The following FBXL17 variants were observed in gnomAD, a reference collection of about 807,000 sequenced individuals.
FBXL17 encodes the protein F-box/LRR-repeat protein 17.
A neutral mutation model predicts 66.2 loss-of-function variants in FBXL17; 22 were observed. That is an observed-to-expected ratio of 0.33 (90% confidence interval 0.24 to 0.47). FBXL17 has a LOEUF of 0.47. FBXL17 is among the 20% of genes least tolerant of loss of function. The pLI is 1.00. For missense variants in FBXL17, 878 were observed against 948.2 expected, an observed-to-expected ratio of 0.93 and a Z score of 0.97; for synonymous variants, 474 against 400.5, an observed-to-expected ratio of 1.18 and a Z score of -2.19.
At chr5:108,147,852 C>T (rs561283780) in intron 6 of FBXL17, among the ~76,000 whole-genome samples, 1 of 151,878 alleles carries the variant, frequency 6.6e-6, no homozygotes, top group African/African-American at 2.4e-5. Context: ...TTTATAACAA[C>T]CTCTTAATAG....
chr5:108,363,056 A>G (rs544488230), intron 3 of FBXL17, among the ~76,000 whole-genome samples: 14 of 152,140 alleles, frequency 9.2e-5, no homozygotes, highest in African/African-American at 2.9e-4. Flanking sequence ...TCGTAACTCT[A>G]TTATACATTT....
chr5:107,932,859 C>T (rs1412819683), intron 7 of FBXL17, among the ~76,000 whole-genome samples: 1 of 134,780 alleles, frequency 7.4e-6, no homozygotes, highest in Admixed American at 7.5e-5. Context: ...ACCAACGAGC[C>T]AGCTAAGAAA....
At chr5:108,254,766 G>A (rs1313575506) in intron 4 of FBXL17, among the ~76,000 whole-genome samples, 1 of 152,052 alleles carries the variant, frequency 6.6e-6, no homozygotes, top group Admixed American at 6.6e-5. Context: ...TAAAACAAAG[G>A]ACAGCCCTAC....
intron 7 of FBXL17, among the ~76,000 whole-genome samples, chr5:107,998,679 C>A (rs1404111385): frequency 6.6e-6 from 1 of 151,980 alleles, no homozygotes. Context: ...AAGTCAAAAG[C>A]AAAAACCCGA....
At position 108,145,404 on chromosome 5, in the gene FBXL17, T is replaced by C. The variant is rs369272754; in HGVS notation, c.1745+40713A>G. Reference sequence around the variant, plus strand: ...CAGAACTGCTAGAATCAGACAGAACTCTAAAGTTCATAAAATCCAACACCA... The same window carrying C: ...CAGAACTGCTAGAATCAGACAGAACCCTAAAGTTCATAAAATCCAACACCA... On this transcript the variant is annotated intron_variant, in intron 6 of 8. Transcript: ENST00000542267. Among the ~76,000 whole-genome samples, 6 of 152,152 alleles carry C rather than the reference T, an allele frequency of 3.9e-5. No individual in the cohort carries two copies. The East Asian group carries it at 5.8e-4, about 15-fold the overall frequency.
intron 4 of FBXL17, among the ~76,000 whole-genome samples, chr5:108,266,249 C>T (rs1757040908): frequency 6.6e-6 from 1 of 152,154 alleles, no homozygotes; most frequent in South Asian, 2.1e-4. Flanking sequence ...GTTTCACATT[C>T]CACAGTTTCA....
chr5:108,186,879 T>A (rs907508785), intron 5 of FBXL17, among the ~76,000 whole-genome samples: 1 of 152,172 alleles, frequency 6.6e-6, no homozygotes, highest in Non-Finnish European at 1.5e-5. Context: ...TTACATTAAG[T>A]ACCTACAATT....
At chr5:108,361,899 G>GGAACTCGGACTGCTAT (rs1748362647) in intron 3 of FBXL17, among the ~76,000 whole-genome samples, 2 of 152,156 alleles carry the variant, frequency 1.3e-5, no homozygotes, top group Admixed American at 1.3e-4. Context: ...TCCCACACTG[G>GGAACTCGGACTGCTAT]GAACTCGGAC....
intron 4 of FBXL17, among the ~76,000 whole-genome samples, chr5:108,247,225 G>T (rs1756141914): frequency 6.6e-6 from 1 of 152,058 alleles, no homozygotes; most frequent in African/African-American, 2.4e-5. Flanking sequence ...TTATGTATTT[G>T]GATTCCCATT....
intron 1 of FBXL17, among the ~76,000 whole-genome samples, chr5:108,379,262 T>C (rs909872589): frequency 6.6e-6 from 1 of 152,170 alleles, no homozygotes; most frequent in African/African-American, 2.4e-5. Flanking sequence ...ATTTGCCAAA[T>C]AAGAAGACAG....
intron 6 of FBXL17, among the ~76,000 whole-genome samples, chr5:108,047,874 G>A (rs1747317687): frequency 6.6e-6 from 1 of 152,192 alleles, no homozygotes; most frequent in African/African-American, 2.4e-5. Flanking sequence ...TAATAGTTCT[G>A]AGGAATCCAA....
At chr5:108,312,155 A>C (rs904553866) in intron 4 of FBXL17, among the ~76,000 whole-genome samples, 1 of 152,152 alleles carries the variant, frequency 6.6e-6, no homozygotes, top group African/African-American at 2.4e-5. Flanking sequence ...ATCACAGCTT[A>C]TGTAAAAGGC....
At chr5:107,929,170 C>G (rs984417387) in intron 7 of FBXL17, among the ~76,000 whole-genome samples, 5 of 152,122 alleles carry the variant, frequency 3.3e-5, no homozygotes, top group African/African-American at 1.2e-4. Flanking sequence ...TAAACAGACA[C>G]AGTAGGGAAA....
In FBXL17 at chr5:107,871,057, C is replaced by CAAAAAAAAAAAA. The variant is rs201752049; in HGVS notation, c.1966-9209_1966-9198dup. On this transcript the variant is annotated intron_variant, in intron 8 of 8. Transcript: ENST00000542267. ...GGTAAGAAATATTACTCTTGGGCGG[C>CAAAAAAAAAAAA]AAAAAAAAAAAAAAAAAAAAAACCT... is the stretch of plus-strand genomic sequence containing the variant. 2.5e-3 allele frequency among the ~76,000 whole-genome samples: 166 copies of CAAAAAAAAAAAA among 65,850 alleles called. 12 individuals are homozygous for CAAAAAAAAAAAA. Among genetic ancestry groups the CAAAAAAAAAAAA allele is most frequent in the African/African-American group, 0.011 (141 of 13,288 alleles). 43.2% of individuals were successfully genotyped at this position (65,850 alleles called of 152,430 possible).
At chr5:107,924,628 T>C (rs1750439316) in intron 7 of FBXL17, among the ~76,000 whole-genome samples, 2 of 152,202 alleles carry the variant, frequency 1.3e-5, no homozygotes, top group South Asian at 4.1e-4. Flanking sequence ...ATATTCACTA[T>C]CAATGTACCC....
rs1751185486 is a variant in FBXL17 at position 108,137,533 on chromosome 5, C to T, written c.1745+48584G>A. On this transcript the variant is annotated intron_variant, in intron 6 of 8. Coordinates refer to ENST00000542267, the MANE Select transcript of FBXL17 (RefSeq NM_001163315.3). Reference sequence around the variant, plus strand: ...CATGCATGAGAATAAAGTGGCATGCCACTTTTGGAAAAGCTGCCATAGATG... The same window carrying T: ...CATGCATGAGAATAAAGTGGCATGCTACTTTTGGAAAAGCTGCCATAGATG... Among the ~76,000 whole-genome samples the T allele has an allele frequency of 2.6e-5, 4 of 152,024 alleles. No individual in the cohort carries two copies. In the South Asian group the frequency reaches 8.3e-4, roughly 32 times the overall value.
intron 7 of FBXL17, among the ~76,000 whole-genome samples, chr5:107,905,719 C>T (rs781592520): frequency 6.6e-6 from 1 of 152,108 alleles, no homozygotes; most frequent in Non-Finnish European, 1.5e-5. Flanking sequence ...TATAACTCAC[C>T]CACACTAAAA....
chr5:108,108,780 G>GTTTT (rs201883285), intron 6 of FBXL17, among the ~76,000 whole-genome samples: 7 of 122,124 alleles, frequency 5.7e-5, no homozygotes, highest in African/African-American at 9.0e-5. Context: ...CTCACACTTT[G>GTTTT]TTTTTGTTTT....
At chr5:108,095,261 A>T (rs1056544942) in intron 6 of FBXL17, among the ~76,000 whole-genome samples, 8 of 149,958 alleles carry the variant, frequency 5.3e-5, no homozygotes, top group Non-Finnish European at 1.2e-4. Context: ...AAAAAAAAAA[A>T]TTTTACCTAC....
Sources: allele counts gnomAD v4.1 joint callset (sites outside exome capture counted in the v4.1 genomes callset), GRCh38; gene constraint gnomAD v4.1.1; transcripts MANE v1.5; gene names NCBI Gene and HGNC (gene_info 2026-07-23, HGNC 2026-07-21).